The following PLCL1 variants were observed in gnomAD, a reference collection of about 807,000 sequenced individuals.
PLCL1 encodes inactive phospholipase C-like protein 1.
Under a neutral mutation model 84.4 loss-of-function variants are expected in PLCL1, and 41 were observed. That is an observed-to-expected ratio of 0.49 (90% CI 0.38 to 0.63). PLCL1 has a LOEUF of 0.63. Among genes scored for constraint, PLCL1 ranks in the 30% least tolerant of loss-of-function variants. The pLI, the probability that PLCL1 is intolerant of heterozygous loss-of-function variation, is 0.00. For missense variants in PLCL1, 1,206 were observed against 1,367.8 expected (o/e 0.88, Z 1.87); for synonymous variants, 490 against 488.3 (o/e 1.00, Z -0.05).
At position 197,805,339 on chromosome 2, in the gene PLCL1, G is replaced by A. The variant is rs1190866832; in HGVS notation, c.240G>A (p.Lys80=). 33 of 1,333,458 alleles carry A rather than the reference G, an allele frequency of 2.5e-5. No individual in the cohort carries two copies. The highest frequency in any genetic ancestry group is 3.1e-5 in the Non-Finnish European group (32 of 1,048,190). 82.6% of individuals were successfully genotyped at this position (1,333,458 alleles called of 1,614,324 possible). A position where few individuals can be genotyped will look rare whatever the true frequency, so the allele number is the denominator to read the frequency against. Reference sequence around the variant, plus strand: ...CCCCCCGGCGCAGCAGCATCATCAAGGTAAGCAAAGCCGCGCCGCACCGGG... The same window carrying A: ...CCCCCCGGCGCAGCAGCATCATCAAAGTAAGCAAAGCCGCGCCGCACCGGG... The part of the protein sequence containing the change: ...RATPRRSSII[K]DPSNQKCGGR... Residue 80 remains lysine (K), a splice_region_variant and synonymous_variant, in exon 1 of 6, where the codon AAG becomes AAA. Coordinates refer to ENST00000428675, the MANE Select transcript of PLCL1 (RefSeq NM_006226.4). The surrounding 1 kb of genome is among the most constrained non-coding windows in gnomAD (Gnocchi z 4.0).
rs1553500740 is a variant in PLCL1, at chr2:197,897,206, T to TCTTTCTTCTTCC, written c.240+91867_240+91868insCTTTCTTCTTCC. 1.1e-4 allele frequency among the ~76,000 whole-genome samples: 8 copies of TCTTTCTTCTTCC among 71,778 alleles called. 2 individuals are homozygous for TCTTTCTTCTTCC. Among genetic ancestry groups the TCTTTCTTCTTCC allele is most frequent in the Admixed American group, 3.3e-4 (2 of 6,070 alleles). The allele number at this position is 71,778 out of a possible 152,430, so 47.1% of individuals were successfully genotyped here. A position where few individuals can be genotyped will look rare whatever the true frequency, so the allele number is the denominator to read the frequency against. ...TTCTTCTTCTCCTTCTCCTTCTTCTTTCTTCTTCCTCTTCTTCCTCTTCTT... is the reference window on the plus strand; with the variant it reads ...TTCTTCTTCTCCTTCTCCTTCTTCTTCTTTCTTCTTCCTCTTCTTCCTCTTCTTCCTCTTCTT... On this transcript the variant is annotated intron_variant, in intron 1 of 5. Transcript: ENST00000428675.
At chr2:197,948,518 T>G (rs73056873) in intron 1 of PLCL1, among the ~76,000 whole-genome samples, 2,515 of 152,246 alleles carry the variant, frequency 0.017, 57 homozygotes, top group African/African-American at 0.055. Flanking sequence ...AATTTTTTTT[T>G]TTTGTTTTCA....
intron 1 of PLCL1, among the ~76,000 whole-genome samples, chr2:197,950,858 A>G (rs1435790288): frequency 2.6e-5 from 4 of 152,260 alleles, no homozygotes; most frequent in East Asian, 3.9e-4. Flanking sequence ...AGTTGTTTCC[A>G]GTAATAAAAT....
intron 1 of PLCL1, among the ~76,000 whole-genome samples, chr2:197,970,035 A>G (rs1689828576): frequency 6.6e-6 from 1 of 152,210 alleles, no homozygotes; most frequent in Non-Finnish European, 1.5e-5. Flanking sequence ...GCCACCAGCT[A>G]TATGTGGCTA....
intron 1 of PLCL1, among the ~76,000 whole-genome samples, chr2:197,814,300 A>G (rs929051387): frequency 6.6e-6 from 1 of 152,034 alleles, no homozygotes. Context: ...TTCTTACAAG[A>G]TTTTTAACTT....
At chr2:197,888,052 A>C (rs1003779518) in intron 1 of PLCL1, among the ~76,000 whole-genome samples, 1 of 151,888 alleles carries the variant, frequency 6.6e-6, no homozygotes, top group Non-Finnish European at 1.5e-5. Context: ...TGATTGTGCC[A>C]CTGGACTCTA....
intron 5 of PLCL1, among the ~76,000 whole-genome samples, chr2:198,112,054 C>G (rs1032903949): frequency 6.6e-6 from 1 of 151,868 alleles, no homozygotes; most frequent in Non-Finnish European, 1.5e-5. Flanking sequence ...AAACAACTCT[C>G]TTTTCTCAAT....
At chr2:197,946,513 C>CTTT (rs1689274646) in intron 1 of PLCL1, among the ~76,000 whole-genome samples, 1 of 113,830 alleles carries the variant, frequency 8.8e-6, no homozygotes, top group Non-Finnish European at 1.9e-5. Context: ...AAATTAAAAA[C>CTTT]AATTTTTTTT....
At chr2:198,056,044 A>G (rs1304304722) in intron 1 of PLCL1, among the ~76,000 whole-genome samples, 2 of 152,172 alleles carry the variant, frequency 1.3e-5, no homozygotes, top group Non-Finnish European at 2.9e-5. Flanking sequence ...AATTTCCACA[A>G]TTTCTTGGCT....
chr2:198,112,800 G>A (rs993093779), intron 5 of PLCL1, among the ~76,000 whole-genome samples: 2 of 151,862 alleles, frequency 1.3e-5, no homozygotes, highest in African/African-American at 2.4e-5. Flanking sequence ...CCAAAATTGA[G>A]GGTCTTATTC....
chr2:197,837,477 T>C (rs1691215365), intron 1 of PLCL1, among the ~76,000 whole-genome samples: 1 of 152,180 alleles, frequency 6.6e-6, no homozygotes, highest in Non-Finnish European at 1.5e-5. Context: ...ATCAGGAGTA[T>C]GTTAGAATTG....
chr2:197,828,602 T>C (rs949817675), intron 1 of PLCL1, among the ~76,000 whole-genome samples: 2 of 152,282 alleles, frequency 1.3e-5, no homozygotes, highest in East Asian at 3.9e-4. Context: ...CTTATACCTT[T>C]GCAATGTCAA....
At chr2:198,073,769 CTT>C (rs1355419528) in intron 1 of PLCL1, among the ~76,000 whole-genome samples, 1 of 152,116 alleles carries the variant, frequency 6.6e-6, no homozygotes, top group South Asian at 2.1e-4. Flanking sequence ...ACAATACAGA[CTT>C]AATACAAATG....
intron 1 of PLCL1, among the ~76,000 whole-genome samples, chr2:197,939,704 G>A (rs979197810): frequency 6.0e-5 from 9 of 150,598 alleles, no homozygotes; most frequent in Non-Finnish European, 1.3e-4. Flanking sequence ...CTGGGGATTG[G>A]GACTTCAACA....
intron 1 of PLCL1, among the ~76,000 whole-genome samples, chr2:197,876,233 G>A (rs1011089486): frequency 3.9e-5 from 6 of 152,104 alleles, no homozygotes; most frequent in Non-Finnish European, 5.9e-5. Flanking sequence ...TAACACAAAC[G>A]TGATAAGTGA....
intron 1 of PLCL1, among the ~76,000 whole-genome samples, chr2:198,033,267 T>A (rs1367807048): frequency 6.6e-6 from 1 of 152,180 alleles, no homozygotes. Context: ...TTATCTTAAT[T>A]AAACTTGGCC....
chr2:198,081,579 G>A (rs534000448), intron 1 of PLCL1, among the ~76,000 whole-genome samples: 13 of 152,270 alleles, frequency 8.5e-5, no homozygotes, highest in East Asian at 5.8e-4. Context: ...ATTAAAAACA[G>A]CAACTCTTTG....
intron 1 of PLCL1, among the ~76,000 whole-genome samples, chr2:198,057,433 C>A (rs527280161): frequency 6.6e-6 from 1 of 151,858 alleles, no homozygotes; most frequent in Admixed American, 6.6e-5. Context: ...TTAGTCTTCT[C>A]GGTACACCTT....
intron 1 of PLCL1, among the ~76,000 whole-genome samples, chr2:197,950,448 G>A (rs1689366947): frequency 2.0e-5 from 3 of 152,056 alleles, no homozygotes; most frequent in Admixed American, 2.0e-4. Flanking sequence ...AAGCATGGGT[G>A]GGGCATTTGT....
Sources: gnomAD v4.1 joint callset for allele counts (sites outside exome capture counted in the v4.1 genomes callset) on GRCh38, gnomAD v4.1.1 for gene constraint, Gnocchi (gnomAD v3.1) non-coding constraint, MANE v1.5 for transcripts, NCBI Gene and HGNC (gene_info 2026-07-23, HGNC 2026-07-21) for gene names.